The following STXBP5L variants were observed in gnomAD, a reference collection of about 807,000 sequenced individuals.
STXBP5L encodes syntaxin-binding protein 5-like.
In STXBP5L, 65 loss-of-function variants were observed where a neutral mutation model predicts 144.5. The observed-to-expected ratio is 0.45, with a 90% CI of 0.37 to 0.55. The LOEUF (loss-of-function observed/expected upper bound fraction) is 0.55, where lower values mean the gene tolerates loss of function less well. STXBP5L is among the 20% of genes least tolerant of loss of function. The pLI is 0.00. For missense variants in STXBP5L, 1,298 were observed against 1,405.5 expected, an observed-to-expected ratio of 0.92 and a Z score of 1.22; for synonymous variants, 505 against 469.6, an observed-to-expected ratio of 1.08 and a Z score of -0.97.
chr3:121,063,658 G>A (rs1180323835), intron 5 of STXBP5L, among the ~76,000 whole-genome samples: 1 of 152,162 alleles, frequency 6.6e-6, no homozygotes, highest in African/African-American at 2.4e-5. Context: ...CCCAGACTGG[G>A]GCTGCTGCCT....
At chr3:121,218,147 TAA>T (rs2048850268) in intron 10 of STXBP5L, among the ~76,000 whole-genome samples, 1 of 139,116 alleles carries the variant, frequency 7.2e-6, no homozygotes. Flanking sequence ...TAATGTAATG[TAA>T]TATATAGTAA....
At chr3:121,190,521 G>A (rs895351231) in intron 9 of STXBP5L, among the ~76,000 whole-genome samples, 4 of 152,002 alleles carry the variant, frequency 2.6e-5, no homozygotes, top group East Asian at 1.9e-4. Context: ...TTTTCTATTC[G>A]ACAAAACCGC....
chr3:121,401,558 A>G (rs1413537668), intron 22 of STXBP5L, among the ~76,000 whole-genome samples: 8 of 143,706 alleles, frequency 5.6e-5, no homozygotes, highest in African/African-American at 1.6e-4. Context: ...GGAATACTAT[A>G]CAGCCATAAA....
chr3:121,257,329 C>T lies in STXBP5L; in HGVS notation c.1828C>T (p.Leu610Phe). ...AGTAACAAAGGACAGTATTCCATGCCTCAAGTAAGAGTTTCTACCAAATTT... is the reference window on the plus strand; with the variant it reads ...AGTAACAAAGGACAGTATTCCATGCTTCAAGTAAGAGTTTCTACCAAATTT... The part of the protein sequence containing the change: ...EGVTKDSIPC[L>F]NVKTRPVRMP... The change falls in exon 17 of 27, where the codon CTC (leucine) becomes TTC (phenylalanine). Residue 610 changes from leucine to phenylalanine, a missense_variant. Coordinates refer to ENST00000471454, the MANE Select transcript of STXBP5L (RefSeq NM_001308330.2). 2 of 1,600,932 alleles carry T rather than the reference C, an allele frequency of 1.2e-6. No individual in the cohort carries two copies. The highest frequency in any genetic ancestry group is 1.7e-6 in the Non-Finnish European group (2 of 1,173,710).
At chr3:121,094,485 G>T (rs188686525) in intron 5 of STXBP5L, among the ~76,000 whole-genome samples, 1 of 152,222 alleles carries the variant, frequency 6.6e-6, no homozygotes, top group Non-Finnish European at 1.5e-5. Flanking sequence ...ATTTAGGATA[G>T]TTAGCTCTTC....
At chr3:121,108,017 CTGT>C (rs1368823831) in intron 5 of STXBP5L, among the ~76,000 whole-genome samples, 5 of 152,064 alleles carry the variant, frequency 3.3e-5, no homozygotes, top group African/African-American at 1.2e-4. Context: ...CTCTGCTTGT[CTGT>C]TGTTGGTATA....
chr3:121,267,737 G>A (rs2050615304), intron 18 of STXBP5L, among the ~76,000 whole-genome samples: 1 of 152,086 alleles, frequency 6.6e-6, no homozygotes, highest in Admixed American at 6.5e-5. Context: ...CCATCAAAAA[G>A]TTGGCAAACG....
intron 9 of STXBP5L, among the ~76,000 whole-genome samples, chr3:121,166,237 C>G (rs1253872160): frequency 6.6e-6 from 1 of 152,076 alleles, no homozygotes; most frequent in African/African-American, 2.4e-5. Flanking sequence ...AATTCTTGGG[C>G]TCAAATGATC....
chr3:120,968,573 T>C (rs1403375701), intron 3 of STXBP5L, among the ~76,000 whole-genome samples: 1 of 152,188 alleles, frequency 6.6e-6, no homozygotes, highest in African/African-American at 2.4e-5. Flanking sequence ...ATTTTAATTT[T>C]TAAAATAAAT....
chr3:121,064,319 C>T (rs1363763276), intron 5 of STXBP5L, among the ~76,000 whole-genome samples: 1 of 152,166 alleles, frequency 6.6e-6, no homozygotes, highest in Non-Finnish European at 1.5e-5. Context: ...CTAACCAGTC[C>T]CAGTGAGATG....
chr3:120,909,834 A>G (rs1708734243), intron 2 of STXBP5L, 67 bp downstream of exon 2: 3 of 1,448,036 alleles, frequency 2.1e-6, no homozygotes, highest in African/African-American at 1.5e-5. Context: ...ACAAGGGGGG[A>G]AAAACATACC....
rs2047349214 is a variant in STXBP5L at position 121,421,335 on chromosome 3, C to T, written c.*2238C>T. ...ATTTAACTTGTTTTAACTTGATCTA[C>T]ATCGAGATTTCTCAAAAGCAGCACT... is the stretch of plus-strand genomic sequence containing the variant. On this transcript the variant is annotated 3_prime_UTR_variant, in exon 27 of 27. Transcript: ENST00000471454. 5 of 151,588 alleles carry T rather than the reference C, an allele frequency of 3.3e-5. No homozygotes were observed. In the Admixed American group the frequency reaches 3.4e-4, roughly 10 times the overall value. 9.4% of individuals were successfully genotyped at this position (151,588 alleles called of 1,614,324 possible).
At chr3:121,315,107 C>T (rs916298715) in intron 19 of STXBP5L, among the ~76,000 whole-genome samples, 77 of 152,244 alleles carry the variant, frequency 5.1e-4, no homozygotes, top group Admixed American at 4.9e-3. Flanking sequence ...ACTAGAAATA[C>T]CTTTTGACCC....
At chr3:120,996,762 T>C (rs1215305576) in intron 3 of STXBP5L, among the ~76,000 whole-genome samples, 1 of 152,122 alleles carries the variant, frequency 6.6e-6, no homozygotes, top group African/African-American at 2.4e-5. Context: ...TCCACATTCA[T>C]CCATGTTGTT....
intron 22 of STXBP5L, among the ~76,000 whole-genome samples, chr3:121,397,545 C>T (rs867118015): frequency 9.2e-5 from 14 of 152,064 alleles, no homozygotes; most frequent in Non-Finnish European, 1.3e-4. Context: ...TAACAATGGC[C>T]GCCATCAAGA....
intron 19 of STXBP5L, among the ~76,000 whole-genome samples, chr3:121,292,586 A>G (rs1164915610): frequency 6.6e-6 from 1 of 152,208 alleles, no homozygotes; most frequent in Non-Finnish European, 1.5e-5. Flanking sequence ...AGACACTTGC[A>G]CATGCATGTT....
chr3:121,298,364 G>A (rs1402803520), intron 19 of STXBP5L, among the ~76,000 whole-genome samples: 1 of 152,138 alleles, frequency 6.6e-6, no homozygotes, highest in Non-Finnish European at 1.5e-5. Context: ...ACCTAAAACT[G>A]TAAAACTTCC....
chr3:121,069,156 C>T (rs2041690277), intron 5 of STXBP5L, among the ~76,000 whole-genome samples: 1 of 152,118 alleles, frequency 6.6e-6, no homozygotes, highest in Admixed American at 6.5e-5. Context: ...CATTGTCATC[C>T]CTATCTCTCC....
chr3:121,355,016 C>G (rs2045450877), intron 20 of STXBP5L, among the ~76,000 whole-genome samples: 1 of 152,226 alleles, frequency 6.6e-6, no homozygotes, highest in Non-Finnish European at 1.5e-5. Context: ...ATATTGGCTC[C>G]CACTCTCTTC....
Sources: gnomAD v4.1 joint callset for allele counts (sites outside exome capture counted in the v4.1 genomes callset) on GRCh38, gnomAD v4.1.1 for gene constraint, MANE v1.5 for transcripts, NCBI Gene and HGNC (gene_info 2026-07-23, HGNC 2026-07-21) for gene names.